Variants in MCM3 observed in about 807,000 individuals in gnomAD.
MCM3 encodes DNA replication licensing factor MCM3.
A neutral mutation model predicts 91.3 loss-of-function variants in MCM3; 59 were observed. The ratio of observed to expected loss-of-function variants is 0.65; its 90% CI spans 0.52 to 0.80. The LOEUF (loss-of-function observed/expected upper bound fraction) is 0.80, where lower values mean the gene tolerates loss of function less well. MCM3 is among the 30% of genes least tolerant of loss of function. The probability of loss-of-function intolerance (pLI) is 0.00; values close to 1 mark genes in which losing one functional copy is unlikely to be tolerated. For missense variants in MCM3, 919 were observed against 1,035.4 expected (o/e 0.89, Z 1.54); for synonymous variants, 383 against 379.6 (o/e 1.01, Z -0.10).
At chr6:52,272,522 T>A in intron 11 of MCM3, 71 bp from the exon 12 acceptor site, 1 of 1,577,474 alleles carries the variant, frequency 6.3e-7, no homozygotes, top group East Asian at 2.2e-5. Context: ...TGGCTTTGCC[T>A]CTCAGAAAAG....
At chr6:52,271,418 G>A (rs762931621) in intron 12 of MCM3, among the ~76,000 whole-genome samples, 30 of 152,286 alleles carry the variant, frequency 2.0e-4, no homozygotes, top group African/African-American at 6.5e-4. Context: ...CAAGCCGGGC[G>A]GATCACCTGA....
chr6:52,283,319 T>G lies in MCM3; in HGVS notation c.166A>C (p.Arg56=), dbSNP rs1421302254. ...CGGTTAGCCCTCTTCTCGTTTTTCCTGCGCAGGTCATTCACATTGACAATC... is the reference window on the plus strand; with the variant it reads ...CGGTTAGCCCTCTTCTCGTTTTTCCGGCGCAGGTCATTCACATTGACAATC... ...RLIVNVNDLR[R]KNEKRANRLL... is the part of the protein sequence containing the mutation. Residue 56 remains arginine (R), a synonymous_variant, in exon 2 of 17, where the codon AGG becomes CGG. Transcript: ENST00000596288. The G allele has an allele frequency of 1.2e-6, 2 of 1,614,178 alleles. No individual in the cohort carries two copies. Among genetic ancestry groups the G allele is most frequent in the East Asian group, 4.5e-5 (2 of 44,886 alleles).
rs564913818 is a variant in MCM3 at position 52,266,128 on chromosome 6, C to A, written c.2175G>T (p.Thr725=). Residue 725 remains threonine (T), a synonymous_variant, in exon 16 of 17, where the codon ACG becomes ACT. Transcript: ENST00000596288. ...ATTCCTTGGTCTCCTGTGAGTCTGC[C>A]GTCTTTGGAGTGTGTACTTCAGAGG... ...EEMPQVHTPK[T]ADSQETKESQ... 1 of 1,613,844 alleles carries A rather than the reference C, an allele frequency of 6.2e-7. No individual in the cohort carries two copies. The highest frequency in any genetic ancestry group is 2.2e-5 in the East Asian group (1 of 44,900).
At chr6:52,283,591 A>G (rs1766356052) in intron 1 of MCM3, among the ~76,000 whole-genome samples, 185 bp from the exon 2 acceptor site, 1 of 152,332 alleles carries the variant, frequency 6.6e-6, no homozygotes, top group Admixed American at 6.5e-5. Flanking sequence ...ACACCCTAAG[A>G]GGGGACTATA....
At position 52,282,502 on chromosome 6, in the gene MCM3, A is replaced by G. The variant is rs1184738978; in HGVS notation, c.400+151T>C. 29 of 662,062 alleles carry G rather than the reference A, an allele frequency of 4.4e-5. No homozygotes were observed. The South Asian group carries it at 4.9e-4, about 11-fold the overall frequency. The allele number at this position is 662,062 out of a possible 1,614,324, so 41.0% of individuals were successfully genotyped here. On this transcript the variant is annotated intron_variant, in intron 3 of 16. Transcript: ENST00000596288. ...TGTGATTACTCAAGGTCCCCCAATC[A>G]TTGTACACACTGAGCCCTCCAAGTT...
At chr6:52,277,004 C>T in intron 8 of MCM3, 63 bp downstream of exon 8, 1 of 1,560,876 alleles carries the variant, frequency 6.4e-7, no homozygotes, top group East Asian at 2.3e-5. Flanking sequence ...CAAGCCAGGG[C>T]ACACAAAGGA....
Position 52,264,376 on chromosome 6 carries a change from C to G in MCM3, c.*212G>C, listed in dbSNP as rs1313794020. The G allele has an allele frequency of 7.1e-6, 4 of 559,502 alleles. No homozygotes were observed. The highest frequency in any genetic ancestry group is 6.1e-5 in the East Asian group (2 of 32,914). 34.7% of individuals were successfully genotyped at this position (559,502 alleles called of 1,614,324 possible). On this transcript the variant is annotated 3_prime_UTR_variant, in exon 17 of 17. Coordinates refer to ENST00000596288, the MANE Select transcript of MCM3 (RefSeq NM_002388.6). Reference sequence around the variant, plus strand: ...ATGCAATAGTCATTGTCCTCTCCCACTGTCTCCTCTTTCCTCACCCCATGG... The same window carrying G: ...ATGCAATAGTCATTGTCCTCTCCCAGTGTCTCCTCTTTCCTCACCCCATGG...
At position 52,279,425 on chromosome 6, in the gene MCM3, G is replaced by A. The variant is rs374666738; in HGVS notation, c.706C>T (p.Gln236Ter). ...VDKAKPGDRV[Q>*]VVGTYRCLPG... Reference sequence around the variant, plus strand: ...AGGCAACGGTAGGTTCCCACCACCTGAACCCGGTCACCAGGCTTCGCTTTA... The same window carrying A: ...AGGCAACGGTAGGTTCCCACCACCTAAACCCGGTCACCAGGCTTCGCTTTA... The change falls in exon 5 of 17, where the codon CAG becomes TAG. Residue 236 changes from glutamine (Q) to a stop codon, truncating the protein, a stop_gained. Transcript: ENST00000596288. LOFTEE classifies it high-confidence loss of function. The A allele has an allele frequency of 9.9e-6, 16 of 1,614,068 alleles. No individual in the cohort carries two copies. Among genetic ancestry groups the A allele is most frequent in the Non-Finnish European group, 1.7e-6 (2 of 1,180,040 alleles).
chr6:52,270,100 C>T (rs1314535984), intron 12 of MCM3, among the ~76,000 whole-genome samples: 3 of 152,048 alleles, frequency 2.0e-5, no homozygotes, highest in Admixed American at 6.6e-5. Context: ...CCAAGGCAGG[C>T]GGATCACAAG....
At chr6:52,279,960 T>C (rs1449957270) in intron 4 of MCM3, among the ~76,000 whole-genome samples, 1 of 152,222 alleles carries the variant, frequency 6.6e-6, no homozygotes, top group African/African-American at 2.4e-5. Context: ...ACATTATGCC[T>C]AGTAGTCAAA....
chr6:52,273,684 A>G lies in MCM3; in HGVS notation c.1549+58T>C. The G allele has an allele frequency of 2.0e-6, 3 of 1,531,076 alleles. No individual in the cohort carries two copies. The Admixed American group carries it at 5.6e-5, about 29-fold the overall frequency. The allele number at this position is 1,531,076 out of a possible 1,614,324, so 94.8% of individuals were successfully genotyped here. A position where few individuals can be genotyped will look rare whatever the true frequency, so the allele number is the denominator to read the frequency against. ...ACCACCACCTGGGTTGGGCCTGAGA[A>G]ACTACCATCTGTTTAGCGCCTTTCC... On this transcript the variant is annotated intron_variant, in intron 10 of 16. Coordinates refer to ENST00000596288, the MANE Select transcript of MCM3 (RefSeq NM_002388.6).
chr6:52,266,717 AAG>A (rs758046081), intron 14 of MCM3, 21 bp from the exon 15 acceptor site: 10 of 1,589,378 alleles, frequency 6.3e-6, no homozygotes, highest in East Asian at 4.5e-5. Context: ...CACAGCAGTT[AAG>A]AGAGAGAAAG....
chr6:52,270,451 T>A (rs1489836591), intron 12 of MCM3, among the ~76,000 whole-genome samples: 3 of 152,180 alleles, frequency 2.0e-5, no homozygotes, highest in East Asian at 3.8e-4. Flanking sequence ...TTTCCTAAAT[T>A]ACCATGTATA....
chr6:52,271,672 AAAAG>A (rs1205428457), intron 12 of MCM3, among the ~76,000 whole-genome samples: 1 of 152,172 alleles, frequency 6.6e-6, no homozygotes, highest in Admixed American at 6.5e-5. Context: ...CAAAACAAAA[AAAAG>A]ATTTAGACAA....
intron 12 of MCM3, among the ~76,000 whole-genome samples, chr6:52,272,053 T>C (rs1467872653): frequency 2.0e-5 from 3 of 152,222 alleles, no homozygotes; most frequent in African/African-American, 7.2e-5. Context: ...GTCACTCCTA[T>C]GTTTGCTGAA....
At chr6:52,268,962 G>A in intron 13 of MCM3, 124 bp downstream of exon 13, 2 of 1,044,074 alleles carry the variant, frequency 1.9e-6, no homozygotes, top group South Asian at 1.7e-5. Flanking sequence ...ACTGATGACT[G>A]GAAGACAAAT....
intron 3 of MCM3, among the ~76,000 whole-genome samples, 163 bp downstream of exon 3, chr6:52,282,490 G>C (rs1471420591): frequency 3.3e-5 from 5 of 152,092 alleles, no homozygotes; most frequent in Non-Finnish European, 7.4e-5. Context: ...GATTACTCAA[G>C]GTCCCCCAAT....
intron 14 of MCM3, among the ~76,000 whole-genome samples, chr6:52,267,096 C>CTTTTTTTTTTT (rs70977337): frequency 0.033 from 3,694 of 111,094 alleles, 327 homozygotes; most frequent in African/African-American, 0.094. Context: ...AGGGTATCTT[C>CTTTTTTTTTTT]TTTTTTTTTT....
At chr6:52,282,250 G>A (rs935120772) in intron 3 of MCM3, 75 bp from the exon 4 acceptor site, 7 of 1,343,796 alleles carry the variant, frequency 5.2e-6, no homozygotes, top group African/African-American at 4.3e-5. Context: ...ACATATGCAA[G>A]CCTATAATGA....
Sources: allele counts gnomAD v4.1 joint callset (sites outside exome capture counted in the v4.1 genomes callset), GRCh38; gene constraint gnomAD v4.1.1; transcripts MANE v1.5; gene names NCBI Gene and HGNC (gene_info 2026-07-23, HGNC 2026-07-21).